Variants in IRAG1 observed in about 807,000 individuals in gnomAD.
IRAG1 encodes IP3R-associated cGMP kinase substrate.
In IRAG1, 62 loss-of-function variants were observed where a neutral mutation model predicts 106.2. That is an observed-to-expected ratio of 0.58 (90% CI 0.48 to 0.72). IRAG1 has a LOEUF of 0.72. Ranked by LOEUF, IRAG1 falls within the 30% of genes least tolerant of loss-of-function variation. IRAG1 has a pLI of 0.00. For synonymous variants in IRAG1, 462 were observed against 443.9 expected, an observed-to-expected ratio of 1.04 and a Z score of -0.51; for missense variants, 1,064 against 1,140.7, an observed-to-expected ratio of 0.93 and a Z score of 0.97.
chr11:10,654,736 A>G (rs964197228), intron 1 of IRAG1, among the ~76,000 whole-genome samples: 3 of 152,192 alleles, frequency 2.0e-5, no homozygotes, highest in African/African-American at 7.2e-5. Context: ...ATTTTAGCAA[A>G]TATTTCACAT....
In IRAG1 at chr11:10,661,098, C is replaced by G. The variant is rs200774535; in HGVS notation, c.68-8916G>C. On this transcript the variant is annotated intron_variant, in intron 1 of 20. Transcript: ENST00000423302. ...TTGATTCCCTTTTACCATGGGGGGG[C>G]CAGTTCTGAGTCAAGCTCCTAGCCC... is the stretch of plus-strand genomic sequence containing the variant. Among the ~76,000 whole-genome samples the G allele has an allele frequency of 7.9e-4, 120 of 151,296 alleles. 1 individual carries two copies. The highest frequency in any genetic ancestry group is 2.7e-3 in the African/African-American group (111 of 41,462).
chr11:10,651,707 G>A (rs1357746991), intron 2 of IRAG1, among the ~76,000 whole-genome samples: 1 of 152,196 alleles, frequency 6.6e-6, no homozygotes, highest in Non-Finnish European at 1.5e-5. Flanking sequence ...GGTTCTCAGT[G>A]CTAATGGTTC....
chr11:10,601,880 G>A (rs573616408), intron 14 of IRAG1, among the ~76,000 whole-genome samples: 3 of 152,326 alleles, frequency 2.0e-5, no homozygotes, highest in South Asian at 2.1e-4. Flanking sequence ...CAGCCAAGAC[G>A]AGGGAGCCAT....
chr11:10,690,061 A>G (rs901535154), intron 1 of IRAG1, among the ~76,000 whole-genome samples: 4 of 152,234 alleles, frequency 2.6e-5, no homozygotes, highest in African/African-American at 9.6e-5. Flanking sequence ...GCCCAGCCTT[A>G]GCAGACTTTT....
chr11:10,680,625 G>A (rs1479921023), intron 1 of IRAG1, among the ~76,000 whole-genome samples: 1 of 152,030 alleles, frequency 6.6e-6, no homozygotes, highest in African/African-American at 2.4e-5. Flanking sequence ...GTGTCCAGAG[G>A]TGAGAGAGGA....
intron 2 of IRAG1, among the ~76,000 whole-genome samples, chr11:10,639,969 G>A (rs1449189964): frequency 1.3e-5 from 2 of 152,156 alleles, no homozygotes; most frequent in African/African-American, 2.4e-5. Context: ...TGTGGCCAGG[G>A]TCTATGCTAA....
At position 10,626,725 on chromosome 11, in the gene IRAG1, C is replaced by T. The variant is rs980072080; in HGVS notation, c.751-142G>A. 1.3e-5 allele frequency: 13 copies of T among 997,802 alleles called. No homozygotes were observed. In the Admixed American group the frequency reaches 2.2e-4, roughly 17 times the overall value. 61.8% of individuals were successfully genotyped at this position (997,802 alleles called of 1,614,324 possible). ...TAAGTGTGTATGGGGTATGAGTGGA[C>T]GATGTGGAAGGAGAGGGCTTCTGCC... On this transcript the variant is annotated intron_variant, in intron 8 of 20. Transcript: ENST00000423302.
intron 10 of IRAG1, among the ~76,000 whole-genome samples, chr11:10,614,488 A>T (rs1057309877): frequency 3.9e-5 from 6 of 152,246 alleles, no homozygotes; most frequent in Non-Finnish European, 7.3e-5. Context: ...TGCCAAGACA[A>T]TCCTAAGCCA....
intron 17 of IRAG1, 173 bp downstream of exon 17, chr11:10,593,319 A>G (rs1852888302): frequency 3.7e-6 from 2 of 533,864 alleles, no homozygotes; most frequent in Admixed American, 3.3e-5. Context: ...AGTAGAATAC[A>G]TGCAGCCTGG....
At chr11:10,602,573 C>T (rs1236312590) in intron 14 of IRAG1, among the ~76,000 whole-genome samples, 1 of 152,160 alleles carries the variant, frequency 6.6e-6, no homozygotes, top group African/African-American at 2.4e-5. Context: ...GGGCCTGTGC[C>T]CCGCTCCGCC....
intron 1 of IRAG1, among the ~76,000 whole-genome samples, chr11:10,675,545 C>T (rs1015620444): frequency 1.3e-5 from 2 of 152,288 alleles, no homozygotes; most frequent in African/African-American, 4.8e-5. Flanking sequence ...AGCAGGTCAC[C>T]TGAGGAACCC....
At chr11:10,588,532 T>C (rs1852285021) in intron 18 of IRAG1, among the ~76,000 whole-genome samples, 1 of 152,166 alleles carries the variant, frequency 6.6e-6, no homozygotes, top group Non-Finnish European at 1.5e-5. Context: ...ATATTTTTTG[T>C]AGAGATGGGG....
chr11:10,604,284 C>A, intron 13 of IRAG1, 121 bp downstream of exon 13: 1 of 1,285,136 alleles, frequency 7.8e-7, no homozygotes, highest in Non-Finnish European at 1.1e-6. Context: ...CTGTCAGAGT[C>A]TTGGCTCAAT....
intron 1 of IRAG1, among the ~76,000 whole-genome samples, chr11:10,691,812 C>T (rs906537674): frequency 2.3e-4 from 35 of 152,150 alleles, no homozygotes; most frequent in African/African-American, 7.5e-4. Flanking sequence ...CCCAAGCAGA[C>T]GGGAGCTGAC....
chr11:10,600,483 A>T (rs1853869087), intron 15 of IRAG1, among the ~76,000 whole-genome samples: 1 of 152,218 alleles, frequency 6.6e-6, no homozygotes, highest in Admixed American at 6.5e-5. Context: ...TACATATATG[A>T]TCAAGTCATT....
intron 19 of IRAG1, 37 bp from the exon 20 acceptor site, chr11:10,580,626 G>A (rs754777556): frequency 1.9e-6 from 3 of 1,605,208 alleles, no homozygotes; most frequent in Middle Eastern, 1.7e-4. Context: ...TCTGGAAAGG[G>A]CAGATGCAGT....
At chr11:10,690,365 C>T in intron 1 of IRAG1, 1 of 1,274,238 alleles carries the variant, frequency 7.8e-7, no homozygotes, top group South Asian at 1.2e-5. Context: ...AGTGCGAGAC[C>T]CTGTCTAAAA....
chr11:10,604,584 G>C (rs1031861824), intron 12 of IRAG1, 39 bp from the exon 13 acceptor site: 3 of 1,613,264 alleles, frequency 1.9e-6, no homozygotes, highest in Non-Finnish European at 2.5e-6. Context: ...GCTGGGAGGA[G>C]TTACTGCAGA....
At chr11:10,597,466 C>T (rs1383998656) in intron 15 of IRAG1, among the ~76,000 whole-genome samples, 1 of 152,188 alleles carries the variant, frequency 6.6e-6, no homozygotes, top group Non-Finnish European at 1.5e-5. Flanking sequence ...GCTAGAACTA[C>T]AGGTGCCCAC....
Sources: allele counts gnomAD v4.1 joint callset (sites outside exome capture counted in the v4.1 genomes callset), GRCh38; gene constraint gnomAD v4.1.1; transcripts MANE v1.5; gene names NCBI Gene and HGNC (gene_info 2026-07-23, HGNC 2026-07-21).